GRM1: variants seen among roughly 807,000 people sequenced by gnomAD.
GRM1 encodes the protein metabotropic glutamate receptor 1.
A neutral mutation model predicts 90.9 loss-of-function variants in GRM1; 33 were observed. That is an observed-to-expected ratio of 0.36 (90% CI 0.28 to 0.49). The LOEUF (loss-of-function observed/expected upper bound fraction) is 0.49. Among genes scored for constraint, GRM1 ranks in the 20% least tolerant of loss-of-function variants. GRM1 has a pLI of 0.99. For missense variants in GRM1, 1,190 were observed against 1,534.3 expected (o/e 0.78, Z 3.75); for synonymous variants, 700 against 613.2 (o/e 1.14, Z -2.09).
In GRM1 at chr6:146,233,536, C is replaced by A. The variant is rs563527302; in HGVS notation, c.951-71075C>A. 2.0e-5 allele frequency among the ~76,000 whole-genome samples: 3 copies of A among 152,106 alleles called. No individual in the cohort carries two copies. The South Asian group carries it at 6.2e-4, about 32-fold the overall frequency. ...TAAGCCAAAATATTTTCTCATTTCT[C>A]TTTTGATTTCCTCTTTGGCTCATGA... On this transcript the variant is annotated intron_variant, in intron 2 of 7. Transcript: ENST00000282753.
intron 1 of GRM1, among the ~76,000 whole-genome samples, chr6:146,061,821 C>T (rs1404922293): frequency 6.6e-6 from 1 of 151,794 alleles, no homozygotes; most frequent in Admixed American, 6.6e-5. Context: ...GTTAGAATGG[C>T]GATCATTAAA....
intron 7 of GRM1, among the ~76,000 whole-genome samples, chr6:146,407,885 A>G (rs1777405902): frequency 6.6e-6 from 1 of 152,200 alleles, no homozygotes; most frequent in Non-Finnish European, 1.5e-5. Context: ...TTACAATCTC[A>G]TTGTGTGCAT....
intron 2 of GRM1, among the ~76,000 whole-genome samples, chr6:146,245,923 T>C (rs1189260578): frequency 2.6e-5 from 4 of 152,236 alleles, no homozygotes; most frequent in Non-Finnish European, 5.9e-5. Context: ...TTAAATTGTG[T>C]TCTACAAGCC....
intron 2 of GRM1, among the ~76,000 whole-genome samples, chr6:146,184,585 A>G (rs1377315801): frequency 6.6e-6 from 1 of 152,216 alleles, no homozygotes; most frequent in African/African-American, 2.4e-5. Flanking sequence ...ATTTTTATTG[A>G]GTCCTGTGGT....
intron 1 of GRM1, among the ~76,000 whole-genome samples, chr6:146,114,970 C>T (rs911469552): frequency 4.6e-5 from 7 of 152,056 alleles, no homozygotes; most frequent in African/African-American, 1.7e-4. Context: ...CTAAGGACTA[C>T]AGGACATGAA....
At chr6:146,174,540 G>A (rs1380981697) in intron 2 of GRM1, among the ~76,000 whole-genome samples, 1 of 152,102 alleles carries the variant, frequency 6.6e-6, no homozygotes, top group African/African-American at 2.4e-5. Flanking sequence ...GTAGAATATT[G>A]AAAATTATTA....
intron 2 of GRM1, among the ~76,000 whole-genome samples, chr6:146,286,601 T>C (rs766626404): frequency 2.6e-5 from 4 of 152,206 alleles, no homozygotes; most frequent in Non-Finnish European, 5.9e-5. Context: ...AGTGGAAAAA[T>C]ACACTTTCAG....
At chr6:146,043,997 C>T (rs113710423) in intron 1 of GRM1, among the ~76,000 whole-genome samples, 121 of 151,710 alleles carry the variant, frequency 8.0e-4, no homozygotes, top group African/African-American at 2.9e-3. Context: ...GAGTGTTGAT[C>T]ACATAACAGA....
chr6:146,326,578 TC>T (rs1220797591), intron 3 of GRM1, among the ~76,000 whole-genome samples: 1 of 151,980 alleles, frequency 6.6e-6, no homozygotes, highest in Non-Finnish European at 1.5e-5. Context: ...GCACTTGTAC[TC>T]CTGAACTTAA....
At chr6:146,170,175 G>T (rs1379838498) in intron 2 of GRM1, among the ~76,000 whole-genome samples, 1 of 151,898 alleles carries the variant, frequency 6.6e-6, no homozygotes, top group East Asian at 1.9e-4. Context: ...ATGATCAGTG[G>T]TTTTTCACTT....
intron 3 of GRM1, among the ~76,000 whole-genome samples, chr6:146,341,671 A>T (rs1784986462): frequency 6.6e-6 from 1 of 152,232 alleles, no homozygotes; most frequent in Non-Finnish European, 1.5e-5. Flanking sequence ...AAAGTTCCAC[A>T]GTCAACAGAA....
rs546052255 is a variant in GRM1 at position 146,321,320 on chromosome 6, C to T, written c.1186+16474C>T. Among the ~76,000 whole-genome samples, 26 of 152,316 alleles carry T rather than the reference C, an allele frequency of 1.7e-4. No individual in the cohort carries two copies. The East Asian group carries it at 3.7e-3, about 21-fold the overall frequency. Reference sequence around the variant, plus strand: ...TTAATCCTGAGTTCTAATTTGACTACGCTGTCGTCTGCGAGACTGTTTTGA... The same window carrying T: ...TTAATCCTGAGTTCTAATTTGACTATGCTGTCGTCTGCGAGACTGTTTTGA... On this transcript the variant is annotated intron_variant, in intron 3 of 7. Transcript: ENST00000282753.
At chr6:146,402,494 A>G (rs1179615603) in intron 7 of GRM1, among the ~76,000 whole-genome samples, 1 of 152,172 alleles carries the variant, frequency 6.6e-6, no homozygotes, top group African/African-American at 2.4e-5. Flanking sequence ...TTTTTACAGC[A>G]GCAAAAATCT....
At chr6:146,213,235 A>G (rs1160275963) in intron 2 of GRM1, among the ~76,000 whole-genome samples, 2 of 152,238 alleles carry the variant, frequency 1.3e-5, no homozygotes, top group Non-Finnish European at 2.9e-5. Flanking sequence ...GGATTATGAG[A>G]GAGGTTGTAT....
At chr6:146,193,810 T>C (rs1301057739) in intron 2 of GRM1, among the ~76,000 whole-genome samples, 1 of 152,178 alleles carries the variant, frequency 6.6e-6, no homozygotes, top group Non-Finnish European at 1.5e-5. Context: ...GAGACCTATG[T>C]AGTTTCTAAG....
intron 1 of GRM1, among the ~76,000 whole-genome samples, chr6:146,091,325 C>A (rs566517896): frequency 6.6e-6 from 1 of 152,088 alleles, no homozygotes; most frequent in East Asian, 1.9e-4. Context: ...AGTGAGGAGG[C>A]CGGGGTGAGT....
intron 6 of GRM1, among the ~76,000 whole-genome samples, chr6:146,394,876 C>A (rs1776871645): frequency 6.6e-6 from 1 of 152,038 alleles, no homozygotes; most frequent in African/African-American, 2.4e-5. Flanking sequence ...GTTTCTTTTG[C>A]AATTTTATCA....
intron 2 of GRM1, among the ~76,000 whole-genome samples, chr6:146,247,051 G>A (rs1336886637): frequency 6.6e-6 from 1 of 152,182 alleles, no homozygotes; most frequent in African/African-American, 2.4e-5. Context: ...TCAATAGGAT[G>A]TTCTCACATT....
chr6:146,430,388 T>C (rs941494586), intron 7 of GRM1, among the ~76,000 whole-genome samples: 2 of 152,242 alleles, frequency 1.3e-5, no homozygotes, highest in African/African-American at 4.8e-5. Context: ...ATATTTACTC[T>C]AAATGCCTCT....
Sources: allele counts gnomAD v4.1 joint callset (sites outside exome capture counted in the v4.1 genomes callset), GRCh38; gene constraint gnomAD v4.1.1; transcripts MANE v1.5; gene names NCBI Gene and HGNC (gene_info 2026-07-23, HGNC 2026-07-21).